Variants in MOB3B observed in about 807,000 individuals in gnomAD.
MOB3B encodes the protein MOB kinase activator 3B, also known as MOB kinase activator-like 2B.
MOB3B carries 7 observed loss-of-function variants against 18.7 expected under a neutral mutation model. That is an observed-to-expected ratio of 0.37 (90% CI 0.21 to 0.70). MOB3B has a LOEUF of 0.70. Among genes scored for constraint, MOB3B ranks in the 30% least tolerant of loss-of-function variants. The pLI, the probability that MOB3B is intolerant of heterozygous loss-of-function variation, is 0.52. For synonymous variants in MOB3B, 111 were observed against 99.9 expected (o/e 1.11, Z -0.66); for missense variants, 253 against 281.3 (o/e 0.90, Z 0.72).
In MOB3B at chr9:27,326,527, G is replaced by C. The variant is rs189381378; in HGVS notation, c.*4060C>G. The C allele has an allele frequency of 3.9e-4, 157 of 398,546 alleles. No individual in the cohort carries two copies. The highest frequency in any genetic ancestry group is 3.1e-3 in the African/African-American group (150 of 48,742). 24.7% of individuals were successfully genotyped at this position (398,546 alleles called of 1,614,324 possible). On this transcript the variant is annotated 3_prime_UTR_variant, in exon 4 of 4. Transcript: ENST00000262244. ...ATGTTGTGGAGGGTTCAGTGGGTTG[G>C]TTATACCAAAGAATGCTATAGAATT...
chr9:27,494,788 C>T (rs1303192332), intron 1 of MOB3B, among the ~76,000 whole-genome samples: 2 of 152,154 alleles, frequency 1.3e-5, no homozygotes, highest in African/African-American at 2.4e-5. Context: ...GCTGGGATTA[C>T]AGGCGTGAGC....
At chr9:27,366,033 T>C (rs1821338280) in intron 2 of MOB3B, among the ~76,000 whole-genome samples, 1 of 152,114 alleles carries the variant, frequency 6.6e-6, no homozygotes, top group Admixed American at 6.5e-5. Context: ...GCAATTAGGC[T>C]AAGGAGGAGG....
At chr9:27,527,333 G>A (rs930430705) in intron 1 of MOB3B, among the ~76,000 whole-genome samples, 20 of 152,092 alleles carry the variant, frequency 1.3e-4, no homozygotes, top group African/African-American at 4.3e-4. Flanking sequence ...TGAAATGTTT[G>A]TAAAGTGCCT....
chr9:27,385,891 T>G (rs1821644595), intron 2 of MOB3B, among the ~76,000 whole-genome samples: 1 of 152,228 alleles, frequency 6.6e-6, no homozygotes, highest in Admixed American at 6.5e-5. Flanking sequence ...TGGATGCTTC[T>G]CATGCAAACT....
Position 27,326,401 on chromosome 9 carries a change from T to C in MOB3B, c.*4186A>G, listed in dbSNP as rs1343025717. 3 of 398,358 alleles carry C rather than the reference T, an allele frequency of 7.5e-6. No homozygotes were observed. The East Asian group carries it at 1.1e-4, about 14-fold the overall frequency. 24.7% of individuals were successfully genotyped at this position (398,358 alleles called of 1,614,324 possible). ...AAGCTCTGATTAATTGTATTTTCAC[T>C]TATTATATATCATCTTTGGACCTTT... On this transcript the variant is annotated 3_prime_UTR_variant, in exon 4 of 4. Transcript: ENST00000262244.
chr9:27,378,654 T>A (rs1391873981), intron 2 of MOB3B: 2 of 471,118 alleles, frequency 4.2e-6, no homozygotes, highest in Non-Finnish European at 8.8e-6. Flanking sequence ...TTGCCAGCCC[T>A]GATGACTCCC....
At chr9:27,463,739 T>C (rs1819330827) in intron 1 of MOB3B, among the ~76,000 whole-genome samples, 1 of 152,152 alleles carries the variant, frequency 6.6e-6, no homozygotes, top group African/African-American at 2.4e-5. Flanking sequence ...GCCAGGCTGA[T>C]TGCTTGAGCC....
intron 1 of MOB3B, among the ~76,000 whole-genome samples, chr9:27,511,522 T>C (rs1363910747): frequency 6.6e-6 from 1 of 152,230 alleles, no homozygotes; most frequent in African/African-American, 2.4e-5. Context: ...CCATGGGCTC[T>C]GCTTTTTAAA....
intron 3 of MOB3B, among the ~76,000 whole-genome samples, chr9:27,331,625 C>A (rs549757573): frequency 6.6e-6 from 1 of 152,318 alleles, no homozygotes; most frequent in South Asian, 2.1e-4. Context: ...GGTAGTGGCT[C>A]CTCTTTCATC....
chr9:27,364,537 T>C (rs1314780692), intron 2 of MOB3B, among the ~76,000 whole-genome samples: 1 of 152,218 alleles, frequency 6.6e-6, no homozygotes, highest in Non-Finnish European at 1.5e-5. Context: ...ATAATAGCTA[T>C]TGATTTAAAA....
intron 3 of MOB3B, among the ~76,000 whole-genome samples, chr9:27,342,464 CGTCTCCCTCTCCCTCTCCCCG>C (rs1341072827): frequency 2.0e-5 from 3 of 151,288 alleles, no homozygotes; most frequent in East Asian, 3.9e-4. Context: ...CCCTTTCCCT[CGTCTCCCTCTCCCTCTCCCCG>C]GTCTCCCTCT....
intron 3 of MOB3B, among the ~76,000 whole-genome samples, chr9:27,357,630 C>T (rs779306898): frequency 2.6e-5 from 4 of 152,004 alleles, no homozygotes; most frequent in Non-Finnish European, 4.4e-5. Context: ...CCTCAGTCTC[C>T]GGACTAACCT....
chr9:27,452,996 G>T (rs1285518664), intron 2 of MOB3B, among the ~76,000 whole-genome samples: 1 of 152,170 alleles, frequency 6.6e-6, no homozygotes, highest in Non-Finnish European at 1.5e-5. Context: ...AAAAGTGCAG[G>T]CTTTTAGGTC....
intron 2 of MOB3B, among the ~76,000 whole-genome samples, chr9:27,373,547 C>T (rs1209789080): frequency 2.0e-5 from 3 of 152,196 alleles, no homozygotes; most frequent in Non-Finnish European, 4.4e-5. Context: ...CTCATCCCCT[C>T]ACCCTCTCTA....
chr9:27,390,413 G>C (rs991315022), intron 2 of MOB3B, among the ~76,000 whole-genome samples: 4 of 152,174 alleles, frequency 2.6e-5, no homozygotes, highest in African/African-American at 7.2e-5. Context: ...TGTTGACCAG[G>C]TTGGTCATGA....
At chr9:27,392,120 C>G (rs963285217) in intron 2 of MOB3B, among the ~76,000 whole-genome samples, 2 of 152,180 alleles carry the variant, frequency 1.3e-5, no homozygotes, top group Non-Finnish European at 2.9e-5. Context: ...ATTTGGGTCT[C>G]ACCCAGAACT....
chr9:27,420,699 A>T (rs1195735281), intron 2 of MOB3B, among the ~76,000 whole-genome samples: 3 of 150,730 alleles, frequency 2.0e-5, no homozygotes, highest in African/African-American at 7.3e-5. Flanking sequence ...AGGAATGGAA[A>T]ACCAAAGGTC....
chr9:27,331,897 T>C (rs977364589), intron 3 of MOB3B, among the ~76,000 whole-genome samples: 12 of 152,242 alleles, frequency 7.9e-5, no homozygotes, highest in Admixed American at 5.9e-4. Context: ...CATACAGATG[T>C]GCTGGTTAAA....
At chr9:27,467,215 C>G (rs1205191643) in intron 1 of MOB3B, among the ~76,000 whole-genome samples, 1 of 152,186 alleles carries the variant, frequency 6.6e-6, no homozygotes, top group Non-Finnish European at 1.5e-5. Context: ...ACCTTTAGAG[C>G]CAGAAAGATG....
Sources: gnomAD v4.1 joint callset for allele counts (sites outside exome capture counted in the v4.1 genomes callset) on GRCh38, gnomAD v4.1.1 for gene constraint, MANE v1.5 for transcripts, NCBI Gene and HGNC (gene_info 2026-07-23, HGNC 2026-07-21) for gene names.